The following SHISA9 variants were observed in gnomAD, a reference collection of about 807,000 sequenced individuals.
SHISA9 encodes the protein shisa family member 9.
A neutral mutation model predicts 38.0 loss-of-function variants in SHISA9; 13 were observed. The ratio of observed to expected loss-of-function variants is 0.34; its 90% confidence interval spans 0.22 to 0.54. The LOEUF is 0.54. Among genes scored for constraint, SHISA9 ranks in the 20% least tolerant of loss-of-function variants. The pLI is 0.91. For missense variants in SHISA9, 538 were observed against 575.8 expected, an observed-to-expected ratio of 0.93 and a Z score of 0.67; for synonymous variants, 275 against 242.0, an observed-to-expected ratio of 1.14 and a Z score of -1.27.
At chr16:13,119,406 C>G (rs2074063328) in intron 2 of SHISA9, among the ~76,000 whole-genome samples, 1 of 152,110 alleles carries the variant, frequency 6.6e-6, no homozygotes, top group Admixed American at 6.5e-5. Context: ...GATTTTTGAG[C>G]CAGTCTCAGG....
chr16:13,524,106 C>A, the SHISA9 span, among the ~76,000 whole-genome samples: 3 of 152,138 alleles, frequency 2.0e-5, no homozygotes, highest in African/African-American at 4.8e-5. Flanking sequence ...GACCATTATG[C>A]TATACTGCCT....
the SHISA9 span, among the ~76,000 whole-genome samples, chr16:13,550,892 C>G: frequency 0.76 from 115,179 of 152,064 alleles, 44,400 homozygotes; most frequent in East Asian, 0.95. Context: ...GGGAGGCCAA[C>G]GTGGGCGGAT....
At chr16:13,395,429 G>C in the SHISA9 span, among the ~76,000 whole-genome samples, 3 of 152,194 alleles carry the variant, frequency 2.0e-5, no homozygotes, top group African/African-American at 7.2e-5. Context: ...TCTGCTCAAG[G>C]TCTCATATGG....
chr16:13,112,522 C>T lies in SHISA9; in HGVS notation c.692-90872C>T, dbSNP rs541596542. Among the ~76,000 whole-genome samples, 3 of 152,240 alleles carry T rather than the reference C, an allele frequency of 2.0e-5. No individual in the cohort carries two copies. The South Asian group carries it at 6.2e-4, about 32-fold the overall frequency. ...TTTCCAAATATGCATTCTGGGACCC[C>T]ACGCCACAGCTACTGAATCAACTGG... On this transcript the variant is annotated intron_variant, in intron 2 of 4. Transcript: ENST00000558583.
intron 2 of SHISA9, among the ~76,000 whole-genome samples, chr16:13,121,701 G>A (rs540024584): frequency 7.8e-4 from 119 of 152,140 alleles, no homozygotes; most frequent in African/African-American, 2.7e-3. Context: ...TGCTAACTCC[G>A]TGGGGATGGG....
At chr16:13,418,465 C>T in the SHISA9 span, among the ~76,000 whole-genome samples, 5 of 152,302 alleles carry the variant, frequency 3.3e-5, 1 homozygote, top group South Asian at 8.3e-4. Flanking sequence ...AAGAGAACTA[C>T]TTCACTCATA....
chr16:13,415,022 G>A, the SHISA9 span, among the ~76,000 whole-genome samples: 10 of 152,172 alleles, frequency 6.6e-5, no homozygotes, highest in Admixed American at 5.9e-4. Flanking sequence ...ATAGCTCACT[G>A]TTTGCCTTAT....
chr16:13,528,810 C>T, the SHISA9 span, among the ~76,000 whole-genome samples: 13 of 152,148 alleles, frequency 8.5e-5, no homozygotes, highest in Admixed American at 2.6e-4. Context: ...TAGCACTTAG[C>T]ATATGCTCAA....
chr16:13,386,598 C>T, the SHISA9 span, among the ~76,000 whole-genome samples: 215 of 152,228 alleles, frequency 1.4e-3, 1 homozygote, highest in African/African-American at 5.0e-3. Flanking sequence ...ACTAAATTCT[C>T]GATATTATTT....
intron 2 of SHISA9, among the ~76,000 whole-genome samples, chr16:12,945,035 G>C (rs998031176): frequency 6.6e-6 from 1 of 152,150 alleles, no homozygotes; most frequent in African/African-American, 2.4e-5. Flanking sequence ...CAAGGAAGCT[G>C]GGGGGCTTAT....
intron 1 of SHISA9, among the ~76,000 whole-genome samples, chr16:12,914,714 T>C (rs2071231682): frequency 6.6e-6 from 1 of 152,196 alleles, no homozygotes; most frequent in Non-Finnish European, 1.5e-5. Context: ...TATCATTCCA[T>C]TGCCCCGTGA....
chr16:13,203,083 C>G (rs2051021697), intron 2 of SHISA9: 2 of 203,462 alleles, frequency 9.8e-6, no homozygotes. Context: ...GATTGGGCAT[C>G]TTTTTATACA....
chr16:13,162,976 G>C (rs1379410857), intron 2 of SHISA9, among the ~76,000 whole-genome samples: 1 of 152,062 alleles, frequency 6.6e-6, no homozygotes, highest in African/African-American at 2.4e-5. Flanking sequence ...TGCTTTCTAA[G>C]TCAAAGAGAG....
At chr16:13,157,948 A>G (rs1442519248) in intron 2 of SHISA9, among the ~76,000 whole-genome samples, 2 of 152,200 alleles carry the variant, frequency 1.3e-5, no homozygotes, top group Non-Finnish European at 2.9e-5. Context: ...ACTCATCTCC[A>G]GGGTTCTTAG....
the SHISA9 span, among the ~76,000 whole-genome samples, chr16:13,254,599 G>A: frequency 7.9e-5 from 12 of 152,298 alleles, no homozygotes; most frequent in Middle Eastern, 3.4e-3. Flanking sequence ...ATCGTACAGC[G>A]GGCTGTCAGC....
chr16:13,382,440 G>T, the SHISA9 span, among the ~76,000 whole-genome samples: 1 of 144,178 alleles, frequency 6.9e-6, no homozygotes, highest in Admixed American at 7.3e-5. Context: ...GGTCAGGGGA[G>T]AATTTCTTGA....
the SHISA9 span, among the ~76,000 whole-genome samples, chr16:13,386,139 G>A: frequency 7.6e-4 from 116 of 152,234 alleles, 1 homozygote; most frequent in African/African-American, 2.7e-3. Context: ...ATGAGTACAA[G>A]TAAAATGGGA....
At chr16:12,956,443 A>T (rs1349121492) in intron 2 of SHISA9, among the ~76,000 whole-genome samples, 1 of 152,224 alleles carries the variant, frequency 6.6e-6, no homozygotes, top group Non-Finnish European at 1.5e-5. Context: ...TTATTTCAGC[A>T]CTACTCATAA....
chr16:12,920,953 C>T (rs1390975728), intron 2 of SHISA9, among the ~76,000 whole-genome samples: 1 of 152,138 alleles, frequency 6.6e-6, no homozygotes, highest in Admixed American at 6.5e-5. Context: ...CAACACTAAA[C>T]AAGCCAGAAG....
Sources: gnomAD v4.1 joint callset for allele counts (sites outside exome capture counted in the v4.1 genomes callset) on GRCh38, gnomAD v4.1.1 for gene constraint, MANE v1.5 for transcripts, NCBI Gene and HGNC (gene_info 2026-07-23, HGNC 2026-07-21) for gene names.